Variants in RIN2 observed in about 807,000 individuals in gnomAD.
RIN2 encodes the protein Ras and Rab interactor 2.
A neutral mutation model predicts 78.0 loss-of-function variants in RIN2; 36 were observed. That is an observed-to-expected ratio of 0.46 (90% CI 0.35 to 0.61). RIN2 has a LOEUF of 0.61. RIN2 is among the 20% of genes least tolerant of loss of function. RIN2 has a pLI of 0.00. For synonymous variants in RIN2, 466 were observed against 466.8 expected (o/e 1.00, Z 0.02); for missense variants, 1,087 against 1,159.7 (o/e 0.94, Z 0.91).
intron 2 of RIN2, among the ~76,000 whole-genome samples, chr20:19,833,987 C>T (rs2036329854): frequency 6.6e-6 from 1 of 152,100 alleles, no homozygotes; most frequent in South Asian, 2.1e-4. Context: ...ACATCGCCTG[C>T]ACAAGGATCC....
rs56268489 is a variant in RIN2, at chr20:19,980,044, C to CAAA, written c.1762+4277_1762+4279dup. Among the ~76,000 whole-genome samples, 31 of 72,658 alleles carry CAAA rather than the reference C, an allele frequency of 4.3e-4. 2 individuals are homozygous for CAAA. The highest frequency in any genetic ancestry group is 7.2e-4 in the African/African-American group (14 of 19,404). The allele number at this position is 72,658 out of a possible 152,430, so 47.7% of individuals were successfully genotyped here. ...GGGCAACAAGAGTGAAACTCCATCT[C>CAAA]AAAAAAAAAAAAAAAAAAAAAACTC... On this transcript the variant is annotated intron_variant, in intron 9 of 12. Coordinates refer to ENST00000255006, the MANE Select transcript of RIN2 (RefSeq NM_018993.4).
intron 2 of RIN2, chr20:19,871,748 C>T (rs1174658244): frequency 1.3e-5 from 2 of 152,174 alleles, no homozygotes. Context: ...CCAATGTACG[C>T]ATCGCGGCTT....
intron 10 of RIN2, among the ~76,000 whole-genome samples, chr20:19,991,457 C>A (rs999348650): frequency 6.6e-6 from 1 of 151,938 alleles, no homozygotes; most frequent in Non-Finnish European, 1.5e-5. Context: ...TGCCCTGCTT[C>A]CTGTAGGAAG....
At chr20:19,779,581 C>A (rs975174403) in intron 1 of RIN2, among the ~76,000 whole-genome samples, 1 of 152,132 alleles carries the variant, frequency 6.6e-6, no homozygotes, top group Non-Finnish European at 1.5e-5. Flanking sequence ...ATGTTGACCC[C>A]TAGGATGAAA....
intron 4 of RIN2, among the ~76,000 whole-genome samples, chr20:19,949,991 T>C (rs1206151867): frequency 6.6e-6 from 1 of 152,158 alleles, no homozygotes; most frequent in East Asian, 1.9e-4. Flanking sequence ...GCGACTAATG[T>C]TGGGCCATGG....
In RIN2 at chr20:19,990,266, C is replaced by T; in HGVS notation, c.2023C>T (p.Leu675=). ...YSPEKKVMLL[L]RVCKLIYTVM... ...GCCGGAAAAGAAGGTCATGCTGCTG[C>T]TGCGGGTCTGCAAGCTCATTTACAC... The change falls in exon 10 of 13, where the codon CTG becomes TTG. Residue 675 remains leucine (L), a synonymous_variant. Transcript: ENST00000255006. 6.2e-7 allele frequency: 1 copy of T among 1,613,718 alleles called. No individual in the cohort carries two copies.
At chr20:19,905,438 T>C (rs2039176900) in intron 3 of RIN2, among the ~76,000 whole-genome samples, 1 of 152,164 alleles carries the variant, frequency 6.6e-6, no homozygotes, top group Admixed American at 6.6e-5. Context: ...AAAGTCAAGT[T>C]CTGGCTGGGC....
intron 1 of RIN2, among the ~76,000 whole-genome samples, chr20:19,788,439 A>AAAAAAAAAACAAAAAAAAAAAC (rs59971778): frequency 1.5e-5 from 2 of 132,994 alleles, no homozygotes; most frequent in African/African-American, 3.3e-5. Context: ...TGCCAAAAAA[A>AAAAAAAAAACAAAAAAAAAAAC]AAAAAAAAAA....
intron 2 of RIN2, chr20:19,809,289 A>T (rs2035512241): frequency 6.6e-6 from 1 of 152,506 alleles, no homozygotes; most frequent in South Asian, 2.1e-4. Flanking sequence ...GCTTGCAGGC[A>T]AAGAAGGCTG....
At chr20:19,800,774 T>G (rs984047107) in intron 2 of RIN2, among the ~76,000 whole-genome samples, 12 of 152,252 alleles carry the variant, frequency 7.9e-5, no homozygotes, top group Admixed American at 2.0e-4. Context: ...AACATTGTTG[T>G]TTTCAGCTAT....
At chr20:19,805,183 C>T (rs62203176) in intron 2 of RIN2, among the ~76,000 whole-genome samples, 16,141 of 151,992 alleles carry the variant, frequency 0.11, 923 homozygotes, top group South Asian at 0.18. Flanking sequence ...AATTGGGATG[C>T]GGGTATTTAT....
intron 2 of RIN2, among the ~76,000 whole-genome samples, chr20:19,810,223 AC>A (rs2035543949): frequency 7.1e-6 from 1 of 140,606 alleles, no homozygotes; most frequent in Non-Finnish European, 1.5e-5. Flanking sequence ...ACATGGCAAA[AC>A]CCCGTCTCTA....
chr20:19,934,903 G>A (rs555939973), intron 3 of RIN2, among the ~76,000 whole-genome samples, 196 bp from the exon 4 acceptor site: 1 of 150,646 alleles, frequency 6.6e-6, no homozygotes, highest in Non-Finnish European at 1.5e-5. Context: ...CCCTTTCTAA[G>A]GAGAAGCTGC....
chr20:19,834,878 AG>A (rs1437433902), intron 2 of RIN2, among the ~76,000 whole-genome samples: 1 of 151,878 alleles, frequency 6.6e-6, no homozygotes, highest in Non-Finnish European at 1.5e-5. Context: ...CAGGAGGTCA[AG>A]GCTGCAATAA....
Position 19,779,735 on chromosome 20 carries a change from A to C in RIN2, c.-162-19887A>C, listed in dbSNP as rs562033376. On this transcript the variant is annotated intron_variant, in intron 1 of 12. Coordinates refer to ENST00000255006, the MANE Select transcript of RIN2 (RefSeq NM_018993.4). ...TGAGATTTTCTAAAATAAGACTTTC[A>C]GTGGTTAGACAATCTAGTCATGCCA... Among the ~76,000 whole-genome samples, 3 of 152,296 alleles carry C rather than the reference A, an allele frequency of 2.0e-5. No individual in the cohort carries two copies. In the East Asian group the frequency reaches 5.8e-4, roughly 29 times the overall value.
intron 3 of RIN2, among the ~76,000 whole-genome samples, chr20:19,932,077 G>A (rs769726494): frequency 2.0e-5 from 3 of 152,164 alleles, no homozygotes; most frequent in Non-Finnish European, 4.4e-5. Flanking sequence ...AACTCATGTT[G>A]AAATTTAATT....
intron 9 of RIN2, among the ~76,000 whole-genome samples, chr20:19,976,531 T>A (rs944647126): frequency 1.4e-4 from 22 of 152,226 alleles, no homozygotes; most frequent in Non-Finnish European, 2.1e-4. Context: ...TTCTTTATAA[T>A]CTCATTTAAA....
intron 2 of RIN2, among the ~76,000 whole-genome samples, chr20:19,835,837 C>A (rs571016621): frequency 6.6e-6 from 1 of 152,234 alleles, no homozygotes; most frequent in South Asian, 2.1e-4. Context: ...TGTTTAATTG[C>A]AGAAAAGCTA....
rs1184281857 is a variant in RIN2, at chr20:19,974,666, C to T, written c.641C>T (p.Ser214Phe). The T allele has an allele frequency of 5.0e-6, 8 of 1,612,312 alleles. No homozygotes were observed. The highest frequency in any genetic ancestry group is 5.9e-6 in the Non-Finnish European group (7 of 1,178,572). ...LAQMGLNFWS[S>F]PADSKPPNLP... ...TAATGACTTTCAGATTTCTGGAGCT[C>T]CCCAGCTGACAGCAAACCCCCGAAC... is the stretch of plus-strand genomic sequence containing the variant. Residue 214 changes from serine to phenylalanine, a missense_variant, in exon 9 of 13, where the codon TCC becomes TTC. This residue lies in a region of RIN2 where 706 missense variants were observed against 667.5 expected (regional missense o/e 1.06). Transcript: ENST00000255006.
Sources: gnomAD v4.1 joint callset for allele counts (sites outside exome capture counted in the v4.1 genomes callset) on GRCh38, gnomAD v4.1.1 for gene constraint, gnomAD v4.1.1 regional missense constraint, MANE v1.5 for transcripts, NCBI Gene and HGNC (gene_info 2026-07-23, HGNC 2026-07-21) for gene names.